The following DAB2IP variants were observed in gnomAD, a reference collection of about 807,000 sequenced individuals.
The protein encoded by DAB2IP is disabled homolog 2-interacting protein.
Under a neutral mutation model 107.2 loss-of-function variants are expected in DAB2IP, and 28 were observed. That is an observed-to-expected ratio of 0.26 (90% CI 0.19 to 0.36). The LOEUF (loss-of-function observed/expected upper bound fraction) is 0.36. Among genes scored for constraint, DAB2IP ranks in the 10% least tolerant of loss-of-function variants. DAB2IP has a pLI of 1.00. For synonymous variants in DAB2IP, 755 were observed against 706.4 expected (o/e 1.07, Z -1.09); for missense variants, 1,400 against 1,644.7 (o/e 0.85, Z 2.57).
At chr9:121,598,952 C>A (rs186538651) in intron 1 of DAB2IP, among the ~76,000 whole-genome samples, 1 of 152,304 alleles carries the variant, frequency 6.6e-6, no homozygotes, top group Admixed American at 6.5e-5. Context: ...CGGGACGTTC[C>A]CTCCAGCCAG....
intron 4 of DAB2IP, among the ~76,000 whole-genome samples, 156 bp downstream of exon 4, chr9:121,757,322 C>G (rs952062291): frequency 6.7e-6 from 1 of 149,946 alleles, no homozygotes; most frequent in African/African-American, 2.5e-5. Flanking sequence ...CTTTCAGCTC[C>G]TAAGAGACCT....
intron 1 of DAB2IP, among the ~76,000 whole-genome samples, chr9:121,577,531 G>A (rs1368943854): frequency 3.3e-5 from 5 of 152,210 alleles, no homozygotes; most frequent in South Asian, 2.1e-4. Context: ...GGGCGTGGGG[G>A]GCCCACACTC....
chr9:121,572,122 A>C (rs1829958222), intron 1 of DAB2IP, among the ~76,000 whole-genome samples: 1 of 152,156 alleles, frequency 6.6e-6, no homozygotes, highest in Non-Finnish European at 1.5e-5. Flanking sequence ...GGCAGCGGCC[A>C]GCATAAGAGA....
rs547388334 is a variant in DAB2IP, at chr9:121,771,652, C to T, written c.2078+928C>T. Among the ~76,000 whole-genome samples, 12 of 152,244 alleles carry T rather than the reference C, an allele frequency of 7.9e-5. 1 individual carries two copies. The highest frequency in any genetic ancestry group is 2.9e-4 in the African/African-American group (12 of 41,534). On this transcript the variant is annotated intron_variant, in intron 11 of 15. Transcript: ENST00000408936. ...TGAGAGGCTGAGAGGCAGCCGGGCCCGTGAGTTCTGAAAAGACTGACCTGG... is the reference window on the plus strand; with the variant it reads ...TGAGAGGCTGAGAGGCAGCCGGGCCTGTGAGTTCTGAAAAGACTGACCTGG...
At chr9:121,777,818 A>G (rs1377528407) in intron 14 of DAB2IP, among the ~76,000 whole-genome samples, 1 of 151,888 alleles carries the variant, frequency 6.6e-6, no homozygotes, top group Non-Finnish European at 1.5e-5. Flanking sequence ...GTGCATATAC[A>G]TTTAGGCTGT....
chr9:121,740,942 C>T lies in DAB2IP; in HGVS notation c.363-16071C>T, dbSNP rs115384280. Among the ~76,000 whole-genome samples, 904 of 152,226 alleles carry T rather than the reference C, an allele frequency of 5.9e-3. 10 individuals are homozygous for T. The highest frequency in any genetic ancestry group is 0.021 in the African/African-American group (859 of 41,540). The stretch of plus-strand genomic sequence containing the variant: ...CTAAATGACACGACCAGAATTGGAG[C>T]CTGGGCCTGCAAAACCCCCAAATTG... On this transcript the variant is annotated intron_variant, in intron 3 of 15. Transcript: ENST00000408936.
At position 121,760,104 on chromosome 9, in the gene DAB2IP, A is replaced by G; in HGVS notation, c.835A>G (p.Thr279Ala). The G allele has an allele frequency of 6.2e-7, 1 of 1,613,824 alleles. No homozygotes were observed. Among genetic ancestry groups the G allele is most frequent in the Non-Finnish European group, 8.5e-7 (1 of 1,180,010 alleles). Residue 279 changes from threonine to alanine, a missense_variant, in exon 6 of 16, where the codon ACC becomes GCC. Transcript: ENST00000408936. This position sits in a 1 kb window ranked among gnomAD's most constrained non-coding sequence, Gnocchi z 5.9. ...GGTCACTGTCCACCTGTACCGGGAG[A>G]CCGACAAGAAGAAGAAGAAGGAGCG... is the stretch of plus-strand genomic sequence containing the variant.
chr9:121,704,670 CTCCTCCCCCTCCCTTCTTCTTTCCACCT>C lies in DAB2IP; in HGVS notation c.362+5220_362+5247del, dbSNP rs1829968258. On this transcript the variant is annotated intron_variant, in intron 3 of 15. Transcript: ENST00000408936. ...GGAAGGCTCACCTGGCTGTCCTCTCCTCCTCCCCCTCCCTTCTTCTTTCCACCTTCCTCCCGTCCTCTCCTCTCCATAA... is the reference window on the plus strand; with the variant it reads ...GGAAGGCTCACCTGGCTGTCCTCTCCTCCTCCCGTCCTCTCCTCTCCATAA... Among the ~76,000 whole-genome samples, 5 of 152,282 alleles carry C rather than the reference CTCCTCCCCCTCCCTTCTTCTTTCCACCT, an allele frequency of 3.3e-5. No homozygotes were observed. The South Asian group carries it at 1.0e-3, about 32-fold the overall frequency.
At chr9:121,721,161 T>C (rs1447478464) in intron 3 of DAB2IP, among the ~76,000 whole-genome samples, 1 of 152,170 alleles carries the variant, frequency 6.6e-6, no homozygotes, top group African/African-American at 2.4e-5. Flanking sequence ...TTGGTTGGGC[T>C]CTAGGTGGCA....
intron 13 of DAB2IP, among the ~76,000 whole-genome samples, chr9:121,774,739 GGGGTTGAGGGCTGA>G (rs1382408337): frequency 6.6e-6 from 1 of 152,202 alleles, no homozygotes; most frequent in Non-Finnish European, 1.5e-5. Flanking sequence ...TGAGGACCTG[GGGGTTGAGGGCTGA>G]GGGTGCCCAA....
chr9:121,671,379 C>T lies in DAB2IP; in HGVS notation c.125-7299C>T, dbSNP rs188391127. Among the ~76,000 whole-genome samples the T allele has an allele frequency of 1.4e-3, 216 of 152,262 alleles. 4 individuals carry two copies. The highest frequency in any genetic ancestry group is 6.0e-4 in the Non-Finnish European group (41 of 68,014). On this transcript the variant is annotated intron_variant, in intron 1 of 15. Coordinates refer to ENST00000408936, the Ensembl canonical transcript of DAB2IP. ...AATTCTTATCATTAGATTATTCTCACCTCGATAATTCAGGATGATTTCCCA... is the reference window on the plus strand; with the variant it reads ...AATTCTTATCATTAGATTATTCTCATCTCGATAATTCAGGATGATTTCCCA...
chr9:121,723,116 T>C (rs1353315594), intron 3 of DAB2IP, among the ~76,000 whole-genome samples: 1 of 152,200 alleles, frequency 6.6e-6, no homozygotes, highest in Non-Finnish European at 1.5e-5. Context: ...CCACAGCCTT[T>C]AGTCCCATAG....
At chr9:121,666,220 CCTT>C (rs1233434152) in intron 1 of DAB2IP, among the ~76,000 whole-genome samples, 3 of 152,192 alleles carry the variant, frequency 2.0e-5, no homozygotes, top group African/African-American at 7.2e-5. Flanking sequence ...CTGCCTATCT[CCTT>C]CTTGTAAAGA....
chr9:121,667,397 C>A (rs532590057), intron 1 of DAB2IP, among the ~76,000 whole-genome samples: 240 of 152,230 alleles, frequency 1.6e-3, no homozygotes, highest in African/African-American at 5.6e-3. Context: ...GGAGCACTAG[C>A]CAGTTCACTT....
At chr9:121,674,161 G>T (rs1303309518) in intron 1 of DAB2IP, among the ~76,000 whole-genome samples, 1 of 152,226 alleles carries the variant, frequency 6.6e-6, no homozygotes, top group Admixed American at 6.5e-5. Flanking sequence ...CCCGATGGTG[G>T]CTGGGACCTT....
chr9:121,718,249 GCTCA>G lies in DAB2IP; in HGVS notation c.362+18806_362+18809del, dbSNP rs961207897. On this transcript the variant is annotated intron_variant, in intron 3 of 15. Transcript: ENST00000408936. ...TCCCAGCTCCCTCACGCCCTCCAAG[GCTCA>G]CTCACTCACTCACTGGCTGCTCGCA... Among the ~76,000 whole-genome samples, 16 of 152,116 alleles carry G rather than the reference GCTCA, an allele frequency of 1.1e-4. No homozygotes were observed. In the East Asian group the frequency reaches 2.7e-3, roughly 26 times the overall value.
Position 121,678,216 on chromosome 9 carries a change from C to T in DAB2IP, c.125-462C>T, listed in dbSNP as rs185938057. ...GCTTTCTGTCTCTACGAATTGGCCT[C>T]TTCTAGATAGTTCATATAAATGGGA... On this transcript the variant is annotated intron_variant, in intron 1 of 15. Transcript: ENST00000408936. Among the ~76,000 whole-genome samples the T allele has an allele frequency of 1.5e-4, 23 of 152,328 alleles. No individual in the cohort carries two copies. In the East Asian group the frequency reaches 4.1e-3, roughly 27 times the overall value.
intron 1 of DAB2IP, among the ~76,000 whole-genome samples, chr9:121,615,392 A>G (rs968471477): frequency 3.3e-5 from 5 of 152,166 alleles, no homozygotes; most frequent in Non-Finnish European, 5.9e-5. Flanking sequence ...AAGCTTTGCG[A>G]CACTCCTGGA....
rs775746799 is a variant in DAB2IP, at chr9:121,699,355, A to C, written c.259A>C (p.Ile87Leu). The change falls in exon 3 of 16, where the codon ATC (isoleucine) becomes CTC (leucine). Residue 87 changes from isoleucine (I) to leucine (L), a missense_variant. Physicochemically the swap from Ile to Leu is conservative, Grantham distance 5. This residue lies in a region of DAB2IP where 283 missense variants were observed against 237.0 expected (regional missense o/e 1.19). Transcript: ENST00000408936. This position sits in a 1 kb window ranked among gnomAD's most constrained non-coding sequence, Gnocchi z 6.2. ...CCTCAGCCGCCGCCTCAAGGGCTCC[A>C]TCAAGCGCACCAAGAGCCAGCCCAA... is the stretch of plus-strand genomic sequence containing the variant. The C allele has an allele frequency of 7.0e-7, 1 of 1,427,094 alleles. No homozygotes were observed. The highest frequency in any genetic ancestry group is 1.3e-5 in the South Asian group (1 of 77,134). 88.4% of individuals were successfully genotyped at this position (1,427,094 alleles called of 1,614,324 possible).
Sources: gnomAD v4.1 joint callset for allele counts (sites outside exome capture counted in the v4.1 genomes callset) on GRCh38, gnomAD v4.1.1 for gene constraint, gnomAD v4.1.1 regional missense constraint, Gnocchi (gnomAD v3.1) non-coding constraint, MANE v1.5 for transcripts, NCBI Gene and HGNC (gene_info 2026-07-23, HGNC 2026-07-21) for gene names.